Variants in EFHC2 observed in about 807,000 individuals in gnomAD.
The protein encoded by EFHC2 is EF-hand domain-containing family member C2.
Under a neutral mutation model 52.7 loss-of-function variants are expected in EFHC2, and 18 were observed. That is an observed-to-expected ratio of 0.34 (90% CI 0.24 to 0.51). The LOEUF (loss-of-function observed/expected upper bound fraction) is 0.51, where lower values mean the gene tolerates loss of function less well. Ranked by LOEUF, EFHC2 falls within the 20% of genes least tolerant of loss-of-function variation. The pLI, the probability that EFHC2 is intolerant of heterozygous loss-of-function variation, is 0.97. For missense variants in EFHC2, 513 were observed against 562.5 expected (o/e 0.91, Z 0.89); for synonymous variants, 203 against 204.1 (o/e 0.99, Z 0.04).
intron 2 of EFHC2, among the ~76,000 whole-genome samples, chrX:44,305,027 T>A (rs1478105954): frequency 9.1e-6 from 1 of 110,087 alleles, no homozygotes; most frequent in Non-Finnish European, 1.9e-5. Flanking sequence ...TTTGGGAGGC[T>A]GAGGGGGGTG....
At chrX:44,208,045 G>A (rs1272401326) in intron 11 of EFHC2, among the ~76,000 whole-genome samples, 1 of 112,362 alleles carries the variant, frequency 8.9e-6, no homozygotes, top group Non-Finnish European at 1.9e-5. Flanking sequence ...CACTGTTGGT[G>A]GGAATGTAAA....
chrX:44,248,797 C>A lies in EFHC2; in HGVS notation c.972+6G>T, dbSNP rs149062306. 136 of 1,188,736 alleles carry A rather than the reference C, an allele frequency of 1.1e-4. 1 individual carries two copies. The East Asian group carries it at 3.5e-3, about 31-fold the overall frequency. On this transcript the variant is annotated splice_donor_region_variant and intron_variant, in intron 6 of 14. Transcript: ENST00000420999. ...GAAACAGGTAATAAAATATGAGGTT[C>A]CTTCCCTTATATCTATCGAACAGGT...
intron 10 of EFHC2, among the ~76,000 whole-genome samples, chrX:44,230,801 A>C (rs934799294): frequency 9.0e-6 from 1 of 111,497 alleles, no homozygotes; most frequent in Non-Finnish European, 1.9e-5. Context: ...ATAGAACTCT[A>C]ATTTACAATA....
intron 2 of EFHC2, among the ~76,000 whole-genome samples, chrX:44,283,673 AC>A (rs200860269): frequency 2.0e-4 from 15 of 74,480 alleles, no homozygotes; most frequent in African/African-American, 7.5e-4. Flanking sequence ...CCACGGAAGT[AC>A]CTTTTTTTTT....
chrX:44,336,329 G>A (rs2038117036), intron 1 of EFHC2, among the ~76,000 whole-genome samples: 1 of 108,660 alleles, frequency 9.2e-6, no homozygotes, highest in Admixed American at 9.9e-5. Context: ...GAGGGTTGCA[G>A]TGAGCCAAGA....
chrX:44,173,307 C>T (rs1048573498), intron 13 of EFHC2, among the ~76,000 whole-genome samples: 12 of 111,995 alleles, frequency 1.1e-4, no homozygotes, highest in Admixed American at 1.9e-4. Flanking sequence ...CTGCCTCCCA[C>T]GGGAGACTGT....
chrX:44,315,150 C>T (rs2037975524), intron 1 of EFHC2, among the ~76,000 whole-genome samples: 1 of 110,437 alleles, frequency 9.1e-6, no homozygotes, highest in Non-Finnish European at 1.9e-5. Flanking sequence ...GGGACCTCCC[C>T]CTTCTCTCTC....
At chrX:44,181,063 C>G (rs779041087) in intron 11 of EFHC2, among the ~76,000 whole-genome samples, 3 of 110,812 alleles carry the variant, frequency 2.7e-5, no homozygotes, top group Non-Finnish European at 5.7e-5. Flanking sequence ...CCACTGCACT[C>G]CAGCATGAGT....
intron 11 of EFHC2, among the ~76,000 whole-genome samples, chrX:44,201,948 A>G: frequency 8.9e-6 from 1 of 111,923 alleles, no homozygotes; most frequent in South Asian, 3.7e-4. Flanking sequence ...CTTAGTAAAA[A>G]TATCTTTTGT....
chrX:44,335,067 C>T (rs1215533012), intron 1 of EFHC2, among the ~76,000 whole-genome samples: 1 of 110,045 alleles, frequency 9.1e-6, no homozygotes. Context: ...CCCTATATAC[C>T]ACTACCAAGT....
intron 3 of EFHC2, among the ~76,000 whole-genome samples, chrX:44,264,904 TAAAG>T (rs2037565492): frequency 8.9e-6 from 1 of 112,011 alleles, no homozygotes; most frequent in South Asian, 3.7e-4. Context: ...GGTAGATAAA[TAAAG>T]ATATTGTTAC....
rs141287477 is a variant in EFHC2, at chrX:44,309,153, A to C, written c.231+3415T>G. ...GGCAAAAGGTGATACTACCAGCATTATAAATAAACAGGACTGGTTGTGAGG... is the reference window on the plus strand; with the variant it reads ...GGCAAAAGGTGATACTACCAGCATTCTAAATAAACAGGACTGGTTGTGAGG... On this transcript the variant is annotated intron_variant, in intron 2 of 14. Transcript: ENST00000420999. Among the ~76,000 whole-genome samples the C allele has an allele frequency of 4.2e-3, 473 of 112,704 alleles. 3 individuals are homozygous for C. Among genetic ancestry groups the C allele is most frequent in the African/African-American group, 0.014 (440 of 31,099 alleles).
intron 1 of EFHC2, among the ~76,000 whole-genome samples, chrX:44,329,946 G>GA (rs1201046014): frequency 1.5e-4 from 16 of 108,384 alleles, no homozygotes; most frequent in African/African-American, 5.0e-4. Context: ...AAATCCTTTA[G>GA]AAAAAAACAA....
chrX:44,250,490 A>C, intron 4 of EFHC2, 45 bp from the exon 5 acceptor site: 1 of 1,154,302 alleles, frequency 8.7e-7, no homozygotes, highest in Non-Finnish European at 1.2e-6. Context: ...GGTTTGCATA[A>C]TCACTTCTAA....
chrX:44,205,952 G>A (rs1009404468), intron 11 of EFHC2, among the ~76,000 whole-genome samples: 4 of 111,532 alleles, frequency 3.6e-5, no homozygotes, highest in Non-Finnish European at 7.5e-5. Flanking sequence ...ACATGGAATA[G>A]TCTCTAAGAT....
intron 1 of EFHC2, among the ~76,000 whole-genome samples, chrX:44,342,126 A>T (rs979208823): frequency 1.8e-5 from 2 of 112,683 alleles, no homozygotes; most frequent in Non-Finnish European, 3.7e-5. Context: ...ACCAAAGGGC[A>T]ATGCTATGCT....
intron 3 of EFHC2, among the ~76,000 whole-genome samples, chrX:44,269,469 G>T (rs775483387): frequency 9.0e-6 from 1 of 111,031 alleles, no homozygotes; most frequent in South Asian, 3.9e-4. Flanking sequence ...GAGGTGTTTG[G>T]GTCATGGGGG....
chrX:44,228,879 T>C (rs1300387138), intron 11 of EFHC2, among the ~76,000 whole-genome samples: 2 of 112,063 alleles, frequency 1.8e-5, no homozygotes, highest in African/African-American at 6.5e-5. Context: ...GAGCCAGAAT[T>C]CTCAGCCTAA....
chrX:44,259,505 C>G (rs2037521053), intron 4 of EFHC2, among the ~76,000 whole-genome samples: 2 of 111,731 alleles, frequency 1.8e-5, no homozygotes, highest in Non-Finnish European at 3.8e-5. Flanking sequence ...ATGTAACAAA[C>G]CTGCAAATTC....
Sources: allele counts gnomAD v4.1 joint callset (sites outside exome capture counted in the v4.1 genomes callset), GRCh38; gene constraint gnomAD v4.1.1; transcripts MANE v1.5; gene names NCBI Gene and HGNC (gene_info 2026-07-23, HGNC 2026-07-21).